The following ALDH4A1 variants were observed in gnomAD, a reference collection of about 807,000 sequenced individuals.
The protein encoded by ALDH4A1 is aldehyde dehydrogenase 4 family member A1.
ALDH4A1 carries 46 observed loss-of-function variants against 70.5 expected under a neutral mutation model. The observed-to-expected ratio is 0.65, with a 90% CI of 0.51 to 0.83. The LOEUF (loss-of-function observed/expected upper bound fraction) is 0.83, where lower values mean the gene tolerates loss of function less well. Among genes scored for constraint, ALDH4A1 ranks in the 40% least tolerant of loss-of-function variants. The pLI is 0.00. For missense variants in ALDH4A1, 749 were observed against 766.5 expected (o/e 0.98, Z 0.27); for synonymous variants, 323 against 324.3 (o/e 1.00, Z 0.04).
intron 1 of ALDH4A1, among the ~76,000 whole-genome samples, chr1:18,897,559 A>C (rs113684865): frequency 1.3e-5 from 2 of 152,300 alleles, no homozygotes; most frequent in Non-Finnish European, 2.9e-5. Flanking sequence ...ACAAAAACCC[A>C]AAAAACGAAA....
In ALDH4A1 at chr1:18,886,543, G is replaced by A. The variant is rs746286698; in HGVS notation, c.250-32C>T. 29 of 1,611,366 alleles carry A rather than the reference G, an allele frequency of 1.8e-5. 1 individual carries two copies. Among genetic ancestry groups the A allele is most frequent in the South Asian group, 7.7e-5 (7 of 90,938 alleles). On this transcript the variant is annotated intron_variant, in intron 3 of 14. Transcript: ENST00000375341. ...GGAGAGAAGAGTGAGGTCCTTGCCC[G>A]GGAGGGAGGTGCCAGGATAAGGATG...
chr1:18,900,173 A>G (rs1022188107), intron 1 of ALDH4A1, among the ~76,000 whole-genome samples: 7 of 152,290 alleles, frequency 4.6e-5, no homozygotes, highest in Non-Finnish European at 8.8e-5. Context: ...TATCAAGGGT[A>G]TTTTTTAAAA....
intron 4 of ALDH4A1, 109 bp downstream of exon 4, chr1:18,886,352 AAAG>A: frequency 7.7e-7 from 1 of 1,296,254 alleles, no homozygotes; most frequent in Non-Finnish European, 1.1e-6. Context: ...CACCATGGCC[AAAG>A]AAGGACACAG....
At chr1:18,877,692 C>G in intron 9 of ALDH4A1, 80 bp from the exon 10 acceptor site, 1 of 1,513,468 alleles carries the variant, frequency 6.6e-7, no homozygotes, top group Non-Finnish European at 9.0e-7. Flanking sequence ...CCACCTACGC[C>G]ATCCATGGCC....
rs1229672796 is a variant in ALDH4A1, at chr1:18,877,214, A to T, written c.1179T>A (p.Asp393Glu). The T allele has an allele frequency of 6.2e-7, 1 of 1,608,434 alleles. No homozygotes were observed. Among genetic ancestry groups the T allele is most frequent in the East Asian group, 2.2e-5 (1 of 44,632 alleles). Reference protein sequence around the residue: ...DFGTFFSAVIDAKSFARIKKW... With the variant: ...DFGTFFSAVIEAKSFARIKKW... ...CCCACTTCCCACCCCGTACCTTGGC[A>T]TCAATCACTGCAGAGAAGAAGGTCC... is the stretch of plus-strand genomic sequence containing the variant. The change falls in exon 11 of 15, where the codon GAT becomes GAA. Residue 393 changes from aspartate (D) to glutamate (E), a missense_variant. Asp to Glu is a conservative substitution (Grantham distance 45, BLOSUM62 2). Transcript: ENST00000375341.
chr1:18,895,526 A>G (rs1009971), intron 1 of ALDH4A1, among the ~76,000 whole-genome samples: 12,203 of 152,194 alleles, frequency 0.08, 738 homozygotes, highest in African/African-American at 0.17. Flanking sequence ...CTCCTGTGGC[A>G]GGAGATGTCA....
chr1:18,873,351 G>C (rs149367572), intron 14 of ALDH4A1, among the ~76,000 whole-genome samples: 1 of 152,320 alleles, frequency 6.6e-6, no homozygotes, highest in East Asian at 1.9e-4. Context: ...GGAATTTCCA[G>C]AGTGATGGGG....
intron 3 of ALDH4A1, among the ~76,000 whole-genome samples, chr1:18,888,772 A>C (rs1299120534): frequency 1.3e-5 from 2 of 152,226 alleles, no homozygotes; most frequent in African/African-American, 4.8e-5. Context: ...TGCTGTGGTC[A>C]ACTCCTGCCC....
chr1:18,885,495 A>T lies in ALDH4A1; in HGVS notation c.431T>A (p.Leu144His). The change falls in exon 5 of 15, where the codon CTC (leucine) becomes CAC (histidine). Residue 144 changes from leucine (L) to histidine (H), a missense_variant. Leu to His is a moderately conservative substitution (Grantham distance 99, BLOSUM62 -3). Transcript: ENST00000375341. ...CACCTGTCCCACCATGGTCTTGGCG[A>T]GGATCTCAGCCCTGCGCGGCCCACT... ...MLSGPRRAEILAKTMVGQGKT... is the reference protein window; with the variant it reads ...MLSGPRRAEIHAKTMVGQGKT... The T allele has an allele frequency of 7.5e-7, 1 of 1,331,806 alleles. No individual in the cohort carries two copies. Among genetic ancestry groups the T allele is most frequent in the Non-Finnish European group, 9.9e-7 (1 of 1,013,670 alleles). The allele number at this position is 1,331,806 out of a possible 1,614,324, so 82.5% of individuals were successfully genotyped here.
In ALDH4A1 at chr1:18,872,825, CG is replaced by C; in HGVS notation, c.*19del. 1 of 1,599,498 alleles carries C rather than the reference CG, an allele frequency of 6.3e-7. No homozygotes were observed. The highest frequency in any genetic ancestry group is 8.6e-7 in the Non-Finnish European group (1 of 1,168,336). ...CCACCTGGACGGACAGACAGCTGGA[CG>C]GTGGAGCCCGAGAGGGGCTCACTGC... On this transcript the variant is annotated 3_prime_UTR_variant, in exon 15 of 15. Transcript: ENST00000375341.
intron 3 of ALDH4A1, 81 bp downstream of exon 3, chr1:18,889,281 C>T (rs768323363): frequency 2.3e-6 from 3 of 1,312,416 alleles, no homozygotes; most frequent in African/African-American, 1.5e-5. Context: ...AGAGCCCACA[C>T]ATTATAAGCT....
chr1:18,890,060 G>A lies in ALDH4A1; in HGVS notation c.108C>T (p.Pro36=), dbSNP rs768297819. 38 of 1,613,050 alleles carry A rather than the reference G, an allele frequency of 2.4e-5. No homozygotes were observed. The highest frequency in any genetic ancestry group is 6.7e-5 in the Admixed American group (4 of 59,916). Residue 36 remains proline, a synonymous_variant, in exon 2 of 15, where the codon CCC becomes CCT. Transcript: ENST00000375341. ...GGCTGCCCTGCGTGAAGGCTAAGAC[G>A]GGCTCGTTGGCCACCTTCAGGGAGG... The part of the protein sequence containing the change: ...HTSSLKVANE[P]VLAFTQGSPE...
rs79442146 is a variant in ALDH4A1, at chr1:18,890,892, A to C, written c.63-787T>G. 3,394 of 985,452 alleles carry C rather than the reference A, an allele frequency of 3.4e-3. 78 individuals carry two copies. The African/African-American group carries it at 0.053, about 15-fold the overall frequency. The allele number at this position is 985,452 out of a possible 1,614,324, so 61.0% of individuals were successfully genotyped here. On this transcript the variant is annotated intron_variant, in intron 1 of 14. Transcript: ENST00000375341. The stretch of plus-strand genomic sequence containing the variant: ...GAACCAGCTGAGATCCCCTTGGCAC[A>C]AAGGGCTGAGAGCTCTGGCTGGGCA...
chr1:18,888,444 C>A (rs888573366), intron 3 of ALDH4A1, among the ~76,000 whole-genome samples: 4 of 152,228 alleles, frequency 2.6e-5, no homozygotes, highest in African/African-American at 4.8e-5. Flanking sequence ...GCCAGAATCT[C>A]CAGCCAGGTC....
intron 9 of ALDH4A1, 144 bp from the exon 10 acceptor site, chr1:18,877,756 C>T (rs1236942523): frequency 1.5e-5 from 15 of 982,800 alleles, no homozygotes; most frequent in Admixed American, 2.4e-5. Flanking sequence ...TCAGAGTGAG[C>T]GCTGGCCAAC....
At chr1:18,882,209 C>A (rs1054654663) in intron 7 of ALDH4A1, among the ~76,000 whole-genome samples, 1 of 152,216 alleles carries the variant, frequency 6.6e-6, no homozygotes, top group Admixed American at 6.5e-5. Context: ...TCACCGGGCG[C>A]GGCGGGGCAA....
At chr1:18,895,573 T>A (rs941696349) in intron 1 of ALDH4A1, among the ~76,000 whole-genome samples, 7 of 152,112 alleles carry the variant, frequency 4.6e-5, no homozygotes, top group African/African-American at 1.7e-4. Flanking sequence ...ACAAAGGACA[T>A]GCACCATTTC....
In ALDH4A1 at chr1:18,886,521, G is replaced by A; in HGVS notation, c.250-10C>T. The A allele has an allele frequency of 6.2e-7, 1 of 1,614,038 alleles. No homozygotes were observed. Among genetic ancestry groups the A allele is most frequent in the African/African-American group, 1.3e-5 (1 of 75,040 alleles). ...GTCCATGGTTAAAAGGCTGAAAGGA[G>A]AGAAGAGTGAGGTCCTTGCCCGGGA... is the stretch of plus-strand genomic sequence containing the variant. On this transcript the variant is annotated splice_polypyrimidine_tract_variant and intron_variant, in intron 3 of 14. Transcript: ENST00000375341.
Position 18,879,168 on chromosome 1 carries a change from G to A in ALDH4A1, c.940+132C>T, listed in dbSNP as rs569935963. On this transcript the variant is annotated intron_variant, in intron 9 of 14. Transcript: ENST00000375341. The stretch of plus-strand genomic sequence containing the variant: ...CCCTCATCACAAAAAGTTCTACTGG[G>A]CAGTGCTGGTGCCTGAAATGGTTCA... 8 of 843,808 alleles carry A rather than the reference G, an allele frequency of 9.5e-6. No homozygotes were observed. The South Asian group carries it at 1.3e-4, about 13-fold the overall frequency. 52.3% of individuals were successfully genotyped at this position (843,808 alleles called of 1,614,324 possible). A position where few individuals can be genotyped will look rare whatever the true frequency, so the allele number is the denominator to read the frequency against.
Sources: allele counts gnomAD v4.1 joint callset (sites outside exome capture counted in the v4.1 genomes callset), GRCh38; gene constraint gnomAD v4.1.1; transcripts MANE v1.5; gene names NCBI Gene and HGNC (gene_info 2026-07-23, HGNC 2026-07-21).